The following QTMAN variants were observed in gnomAD, a reference collection of about 807,000 sequenced individuals.
QTMAN encodes the protein tRNA-queuosine alpha-mannosyltransferase.
At chr2:144,109,910 T>C in the QTMAN span, among the ~76,000 whole-genome samples, 1 of 152,136 alleles carries the variant, frequency 6.6e-6, no homozygotes, top group Non-Finnish European at 1.5e-5. Context: ...GGAGAGGATG[T>C]GGAGAAATAG....
chr2:144,053,338 A>C, the QTMAN span, among the ~76,000 whole-genome samples: 1 of 152,226 alleles, frequency 6.6e-6, no homozygotes, highest in African/African-American at 2.4e-5. Context: ...ATCTTATGTA[A>C]AAATAAAAAT....
the QTMAN span, chr2:144,142,095 C>T: frequency 1.4e-6 from 2 of 1,456,602 alleles, no homozygotes; most frequent in East Asian, 4.6e-5. Context: ...TGAGCCCAGA[C>T]TCATTCAGAG....
the QTMAN span, among the ~76,000 whole-genome samples, chr2:144,010,506 T>C: frequency 3.0e-3 from 457 of 152,202 alleles, 5 homozygotes; most frequent in Middle Eastern, 0.017. Context: ...AAACACCATT[T>C]AGACCATGCT....
chr2:144,101,394 T>TCTCTCTCTCACA, the QTMAN span, among the ~76,000 whole-genome samples: 79 of 150,234 alleles, frequency 5.3e-4, no homozygotes, highest in African/African-American at 1.8e-3. Context: ...TATCTCTCTC[T>TCTCTCTCTCACA]CACACACACA....
At chr2:144,046,250 A>G in the QTMAN span, among the ~76,000 whole-genome samples, 11 of 152,380 alleles carry the variant, frequency 7.2e-5, no homozygotes, top group East Asian at 2.1e-3. Context: ...GGCCACGTTA[A>G]TTTTACAGAG....
the QTMAN span, among the ~76,000 whole-genome samples, chr2:144,008,724 TA>T: frequency 6.6e-6 from 1 of 151,778 alleles, no homozygotes; most frequent in Non-Finnish European, 1.5e-5. Context: ...TCCAAGAGAG[TA>T]ATATCACATT....
the QTMAN span, among the ~76,000 whole-genome samples, chr2:144,307,957 G>T: frequency 6.6e-6 from 1 of 152,086 alleles, no homozygotes; most frequent in East Asian, 1.9e-4. Flanking sequence ...GAAGTATTTT[G>T]TAGAAATGTA....
chr2:143,958,782 CTTTTTT>C, the QTMAN span, among the ~76,000 whole-genome samples: 96 of 113,348 alleles, frequency 8.5e-4, no homozygotes, highest in South Asian at 6.3e-3. Flanking sequence ...TTCTTTCTTT[CTTTTTT>C]TTTTTTTTTT....
the QTMAN span, among the ~76,000 whole-genome samples, chr2:144,028,079 C>A: frequency 1.3e-5 from 2 of 152,052 alleles, no homozygotes; most frequent in South Asian, 4.2e-4. Flanking sequence ...ACTTATCCTT[C>A]CTTGGAAGGA....
At chr2:144,141,777 C>T in the QTMAN span, 1 of 784,462 alleles carries the variant, frequency 1.3e-6, no homozygotes, top group Non-Finnish European at 2.1e-6. Context: ...TCTAACTAAC[C>T]ATACTTATGC....
chr2:144,055,562 G>A, the QTMAN span, among the ~76,000 whole-genome samples: 1 of 152,058 alleles, frequency 6.6e-6, no homozygotes, highest in Non-Finnish European at 1.5e-5. Context: ...AGGTAATCGC[G>A]TGGTGCAAAG....
chr2:144,151,702 A>G, the QTMAN span, among the ~76,000 whole-genome samples: 1 of 152,206 alleles, frequency 6.6e-6, no homozygotes. Context: ...AATGATACAT[A>G]CACACATAAA....
chr2:144,122,733 C>A, the QTMAN span, among the ~76,000 whole-genome samples: 88 of 152,222 alleles, frequency 5.8e-4, no homozygotes, highest in African/African-American at 2.1e-3. Flanking sequence ...TAAGTATTCA[C>A]GTATTTTATC....
At chr2:143,977,553 T>C in the QTMAN span, among the ~76,000 whole-genome samples, 284 of 152,266 alleles carry the variant, frequency 1.9e-3, no homozygotes, top group Middle Eastern at 6.8e-3. Flanking sequence ...GAGAGATTCC[T>C]GAGCCATGGT....
the QTMAN span, chr2:144,235,851 C>T: frequency 1.3e-5 from 2 of 152,270 alleles, no homozygotes; most frequent in African/African-American, 4.8e-5. Flanking sequence ...CTTGGATATT[C>T]CAAGATGGGA....
chr2:144,264,335 T>C, the QTMAN span, among the ~76,000 whole-genome samples: 1 of 152,176 alleles, frequency 6.6e-6, no homozygotes, highest in East Asian at 1.9e-4. Flanking sequence ...TTGAAACTTT[T>C]AGTATGGCAC....
chr2:144,274,494 G>A, the QTMAN span, among the ~76,000 whole-genome samples: 1 of 152,216 alleles, frequency 6.6e-6, no homozygotes, highest in African/African-American at 2.4e-5. Context: ...AGGTGACAGG[G>A]TCTGAACGTT....
At chr2:144,063,343 G>A in the QTMAN span, among the ~76,000 whole-genome samples, 1 of 152,160 alleles carries the variant, frequency 6.6e-6, no homozygotes, top group Non-Finnish European at 1.5e-5. Flanking sequence ...GATTGAGTCA[G>A]TTGAAATTAG....
At chr2:144,223,050 G>C in the QTMAN span, among the ~76,000 whole-genome samples, 35 of 151,962 alleles carry the variant, frequency 2.3e-4, no homozygotes, top group Admixed American at 2.2e-3. Flanking sequence ...ATTTTTAAAG[G>C]GAATCTCCAA....
Sources: gnomAD v4.1 joint callset for allele counts (sites outside exome capture counted in the v4.1 genomes callset) on GRCh38, gnomAD v4.1.1 for gene constraint, MANE v1.5 for transcripts, NCBI Gene and HGNC (gene_info 2026-07-23, HGNC 2026-07-21) for gene names.